The following FOCAD variants were observed in gnomAD, a reference collection of about 807,000 sequenced individuals.
FOCAD encodes focadhesin.
In FOCAD, 198 loss-of-function variants were observed where a neutral mutation model predicts 225.6. The ratio of observed to expected loss-of-function variants is 0.88; its 90% confidence interval spans 0.78 to 0.99. FOCAD has a LOEUF of 0.99. Among genes scored for constraint, FOCAD ranks in the 50% least tolerant of loss-of-function variants. The pLI is 0.00. For synonymous variants in FOCAD, 897 were observed against 755.0 expected (o/e 1.19, Z -3.08); for missense variants, 2,713 against 2,123.6 (o/e 1.28, Z -5.46).
At chr9:20,843,468 C>G (rs1826757122) in intron 15 of FOCAD, among the ~76,000 whole-genome samples, 1 of 152,074 alleles carries the variant, frequency 6.6e-6, no homozygotes, top group African/African-American at 2.4e-5. Flanking sequence ...GAGTCTGCTG[C>G]TAGACTTATT....
chr9:20,949,815 G>C (rs1229351941), intron 33 of FOCAD, 140 bp downstream of exon 33: 1 of 677,340 alleles, frequency 1.5e-6, no homozygotes, highest in East Asian at 2.6e-5. Flanking sequence ...GAGGCATTTG[G>C]GAGTGATGTG....
chr9:20,869,925 A>G (rs976215184), intron 18 of FOCAD, among the ~76,000 whole-genome samples: 1 of 152,164 alleles, frequency 6.6e-6, no homozygotes, highest in Non-Finnish European at 1.5e-5. Context: ...TGAAAGATAG[A>G]TAAGAATGAT....
intron 15 of FOCAD, among the ~76,000 whole-genome samples, chr9:20,840,754 A>T (rs1007919830): frequency 6.6e-6 from 1 of 151,934 alleles, no homozygotes; most frequent in East Asian, 1.9e-4. Context: ...CTTCAGTTCT[A>T]TGTTGAATAA....
rs138644806 is a variant in FOCAD, at chr9:20,802,768, C to T, written c.1455+13160C>T. Among the ~76,000 whole-genome samples the T allele has an allele frequency of 1.0e-3, 155 of 152,100 alleles. 4 individuals carry two copies. Among genetic ancestry groups the T allele is most frequent in the Middle Eastern group, 6.8e-3 (2 of 294 alleles). On this transcript the variant is annotated intron_variant, in intron 11 of 43. Coordinates refer to ENST00000338382, the MANE Select transcript of FOCAD (RefSeq NM_001375567.1). ...AGAGCTCAGGTTAATTTGATATAGG[C>T]GGAATTAAAACATAAGCAGGTGTTG...
intron 24 of FOCAD, among the ~76,000 whole-genome samples, chr9:20,920,256 C>T (rs2132115810): frequency 6.8e-6 from 1 of 146,352 alleles, no homozygotes; most frequent in South Asian, 2.2e-4. Flanking sequence ...ATCAAAACCA[C>T]AATGAGATAC....
chr9:20,660,826 C>T lies in FOCAD; in HGVS notation c.-78+2000C>T, dbSNP rs1322977942. Among the ~76,000 whole-genome samples, 4 of 151,800 alleles carry T rather than the reference C, an allele frequency of 2.6e-5. No individual in the cohort carries two copies. In the South Asian group the frequency reaches 8.3e-4, roughly 32 times the overall value. On this transcript the variant is annotated intron_variant, in intron 2 of 45. Transcript: ENST00000380249. ...GTGACTGGAGAAGTTAGAAAAAGAG[C>T]ATACAGAAATAAAAGAAGAATTATG...
chr9:20,736,711 T>C (rs1027674053), intron 4 of FOCAD, among the ~76,000 whole-genome samples: 1 of 152,160 alleles, frequency 6.6e-6, no homozygotes, highest in African/African-American at 2.4e-5. Flanking sequence ...AAAAAGCATG[T>C]AATTTACTGA....
intron 4 of FOCAD, among the ~76,000 whole-genome samples, chr9:20,738,301 A>G (rs914036179): frequency 3.9e-5 from 6 of 152,220 alleles, no homozygotes; most frequent in Admixed American, 3.3e-4. Flanking sequence ...TGAGGCAATT[A>G]CACTTCATTC....
At chr9:20,743,294 A>G (rs907947615) in intron 5 of FOCAD, among the ~76,000 whole-genome samples, 4 of 152,204 alleles carry the variant, frequency 2.6e-5, no homozygotes, top group South Asian at 4.1e-4. Context: ...AGTATGGCAA[A>G]TAAGTGTAAG....
chr9:20,899,053 G>C (rs1832344563), intron 21 of FOCAD, among the ~76,000 whole-genome samples: 1 of 151,884 alleles, frequency 6.6e-6, no homozygotes, highest in Non-Finnish European at 1.5e-5. Context: ...GAGGATCTTG[G>C]AGATGGGTAT....
intron 15 of FOCAD, among the ~76,000 whole-genome samples, chr9:20,838,735 A>C (rs1167733411): frequency 1.3e-5 from 2 of 152,088 alleles, no homozygotes; most frequent in Non-Finnish European, 2.9e-5. Flanking sequence ...AAATCTCTAG[A>C]GATAAAGCTT....
At chr9:20,848,359 A>G (rs1296358491) in intron 15 of FOCAD, among the ~76,000 whole-genome samples, 2 of 152,084 alleles carry the variant, frequency 1.3e-5, no homozygotes, top group Admixed American at 6.6e-5. Context: ...CCTCTCTGGA[A>G]TAGAGGTCTC....
chr9:20,860,043 A>T (rs1828619173), intron 15 of FOCAD, among the ~76,000 whole-genome samples: 1 of 152,116 alleles, frequency 6.6e-6, no homozygotes, highest in East Asian at 1.9e-4. Flanking sequence ...ACTTTACATG[A>T]GGAATTGTAT....
At chr9:20,938,800 T>C (rs1371491683) in intron 28 of FOCAD, among the ~76,000 whole-genome samples, 5 of 152,082 alleles carry the variant, frequency 3.3e-5, no homozygotes, top group Non-Finnish European at 7.4e-5. Flanking sequence ...CATTATATAT[T>C]ATGTACATGA....
chr9:20,756,361 C>A (rs564851092), intron 5 of FOCAD, among the ~76,000 whole-genome samples: 2 of 152,172 alleles, frequency 1.3e-5, no homozygotes, highest in South Asian at 4.1e-4. Flanking sequence ...AGGTGTTTCA[C>A]ATGTGTTTCA....
intron 11 of FOCAD, among the ~76,000 whole-genome samples, chr9:20,804,810 C>T (rs1274810520): frequency 1.4e-5 from 2 of 147,846 alleles, no homozygotes; most frequent in African/African-American, 5.0e-5. Flanking sequence ...CCGGGAAATC[C>T]TTCTGAAGAT....
chr9:20,749,098 C>T (rs1384487476), intron 5 of FOCAD, among the ~76,000 whole-genome samples: 2 of 152,026 alleles, frequency 1.3e-5, no homozygotes, highest in African/African-American at 2.4e-5. Context: ...TTTATGTTTC[C>T]CCCCAACCAA....
At chr9:20,695,489 C>T (rs1364857291) in intron 1 of FOCAD, among the ~76,000 whole-genome samples, 5 of 152,082 alleles carry the variant, frequency 3.3e-5, no homozygotes, top group African/African-American at 7.2e-5. Context: ...TCTTTCCTCA[C>T]GTTTCTTTTT....
At chr9:20,783,721 A>G (rs1292955937) in intron 10 of FOCAD, among the ~76,000 whole-genome samples, 1 of 152,138 alleles carries the variant, frequency 6.6e-6, no homozygotes, top group Admixed American at 6.6e-5. Context: ...AAATATTAAA[A>G]AAAGTAAAAA....
Sources: gnomAD v4.1 joint callset for allele counts (sites outside exome capture counted in the v4.1 genomes callset) on GRCh38, gnomAD v4.1.1 for gene constraint, MANE v1.5 for transcripts, NCBI Gene and HGNC (gene_info 2026-07-23, HGNC 2026-07-21) for gene names.